Variants in CSMD1 observed in about 807,000 individuals in gnomAD.
CSMD1 encodes the protein CUB and sushi domain-containing protein 1.
CSMD1 carries 213 observed loss-of-function variants against 417.5 expected under a neutral mutation model. The ratio of observed to expected loss-of-function variants is 0.51; its 90% CI spans 0.46 to 0.57. The LOEUF is 0.57. Among genes scored for constraint, CSMD1 ranks in the 20% least tolerant of loss-of-function variants. CSMD1 has a pLI of 0.00. For missense variants in CSMD1, 6,923 were observed against 4,529.7 expected (o/e 1.53, Z -15.17); for synonymous variants, 2,862 against 1,736.8 (o/e 1.65, Z -16.11).
intron 5 of CSMD1, among the ~76,000 whole-genome samples, chr8:3,817,813 G>A (rs1183346599): frequency 1.3e-5 from 2 of 152,032 alleles, no homozygotes; most frequent in East Asian, 1.9e-4. Flanking sequence ...ATAAGCACGT[G>A]CATCTGGCCA....
intron 3 of CSMD1, among the ~76,000 whole-genome samples, chr8:4,297,677 C>T (rs1418621702): frequency 1.3e-5 from 2 of 152,166 alleles, no homozygotes; most frequent in Admixed American, 1.3e-4. Context: ...CTTTCTGCTA[C>T]TGTTTTAGCA....
intron 1 of CSMD1, among the ~76,000 whole-genome samples, chr8:4,922,741 T>C (rs1293497867): frequency 6.6e-6 from 1 of 152,110 alleles, no homozygotes; most frequent in Non-Finnish European, 1.5e-5. Context: ...CTCACGCCCC[T>C]AGATTGCCAG....
At chr8:3,948,584 T>A (rs1032946342) in intron 5 of CSMD1, among the ~76,000 whole-genome samples, 1 of 152,190 alleles carries the variant, frequency 6.6e-6, no homozygotes, top group Non-Finnish European at 1.5e-5. Flanking sequence ...TTGCTCATGA[T>A]AAACGATGAA....
chr8:3,756,807 T>C (rs1217614924), intron 5 of CSMD1, among the ~76,000 whole-genome samples: 1 of 152,100 alleles, frequency 6.6e-6, no homozygotes, highest in Non-Finnish European at 1.5e-5. Flanking sequence ...AATTTTTTTT[T>C]TTTCTTGAGA....
intron 57 of CSMD1, among the ~76,000 whole-genome samples, chr8:2,972,481 G>C (rs1442840908): frequency 6.6e-6 from 1 of 152,046 alleles, no homozygotes; most frequent in Non-Finnish European, 1.5e-5. Context: ...CGAATACATG[G>C]TTACCATCAC....
At chr8:3,641,710 G>A (rs990426315) in intron 7 of CSMD1, among the ~76,000 whole-genome samples, 2 of 152,156 alleles carry the variant, frequency 1.3e-5, no homozygotes, top group African/African-American at 2.4e-5. Context: ...AGAACAGGCT[G>A]CAGGCTAAAT....
chr8:4,734,553 T>G (rs946659273), intron 1 of CSMD1, among the ~76,000 whole-genome samples: 2 of 152,210 alleles, frequency 1.3e-5, no homozygotes, highest in African/African-American at 2.4e-5. Flanking sequence ...GGTAGCGAAG[T>G]ATAAGTAAAT....
At chr8:4,477,033 C>T (rs1255439549) in intron 2 of CSMD1, among the ~76,000 whole-genome samples, 1 of 152,194 alleles carries the variant, frequency 6.6e-6, no homozygotes, top group Non-Finnish European at 1.5e-5. Context: ...ATTTCCCTCC[C>T]GCAGGGCTGG....
At chr8:4,390,878 A>G (rs753453131) in intron 3 of CSMD1, among the ~76,000 whole-genome samples, 1 of 152,126 alleles carries the variant, frequency 6.6e-6, no homozygotes, top group Non-Finnish European at 1.5e-5. Flanking sequence ...CACATGTTTC[A>G]TATGTTGTCC....
chr8:4,215,407 C>G (rs1009582349), intron 3 of CSMD1, among the ~76,000 whole-genome samples: 2 of 152,062 alleles, frequency 1.3e-5, no homozygotes, highest in South Asian at 2.1e-4. Context: ...GGCAAAGATA[C>G]CATGTCTGAA....
intron 4 of CSMD1, among the ~76,000 whole-genome samples, chr8:4,017,264 C>G (rs1796568430): frequency 6.6e-6 from 1 of 152,004 alleles, no homozygotes; most frequent in Non-Finnish European, 1.5e-5. Context: ...CTATGCAATT[C>G]ATCTTCTCAT....
At chr8:3,224,723 G>C (rs962643904) in intron 27 of CSMD1, among the ~76,000 whole-genome samples, 2 of 152,142 alleles carry the variant, frequency 1.3e-5, no homozygotes, top group African/African-American at 4.8e-5. Context: ...TATTAGCAAG[G>C]CAGTAATTAT....
At chr8:3,104,369 C>T (rs1299167401) in intron 46 of CSMD1, among the ~76,000 whole-genome samples, 1 of 152,038 alleles carries the variant, frequency 6.6e-6, no homozygotes, top group Non-Finnish European at 1.5e-5. Context: ...CAATGCAATC[C>T]CCACTTCTAA....
intron 41 of CSMD1, among the ~76,000 whole-genome samples, chr8:3,121,782 G>A (rs1352528988): frequency 6.6e-6 from 1 of 152,062 alleles, no homozygotes; most frequent in Non-Finnish European, 1.5e-5. Context: ...CTGGGTGACA[G>A]AGCAGGATCC....
chr8:4,611,576 T>A (rs1388529209), intron 2 of CSMD1, among the ~76,000 whole-genome samples: 1 of 152,182 alleles, frequency 6.6e-6, no homozygotes, highest in Non-Finnish European at 1.5e-5. Flanking sequence ...GTGTTTACAC[T>A]TCCCCTCACC....
At chr8:4,800,847 C>G (rs933484023) in intron 1 of CSMD1, among the ~76,000 whole-genome samples, 2 of 152,220 alleles carry the variant, frequency 1.3e-5, no homozygotes, top group Admixed American at 6.5e-5. Flanking sequence ...AGTCCAAGCC[C>G]TGAAACCTCA....
At chr8:3,926,804 C>T (rs1809763607) in intron 5 of CSMD1, among the ~76,000 whole-genome samples, 1 of 148,242 alleles carries the variant, frequency 6.7e-6, no homozygotes, top group Admixed American at 6.9e-5. Context: ...CAACCTCTGC[C>T]TCCCGGGTTC....
At chr8:4,889,993 CT>C (rs1282997718) in intron 1 of CSMD1, among the ~76,000 whole-genome samples, 6 of 152,108 alleles carry the variant, frequency 3.9e-5, no homozygotes, top group Non-Finnish European at 8.8e-5. Flanking sequence ...AAATATATGA[CT>C]TCAGGTATCT....
intron 4 of CSMD1, among the ~76,000 whole-genome samples, chr8:4,004,132 T>A (rs1171015008): frequency 6.6e-6 from 1 of 152,064 alleles, no homozygotes; most frequent in Non-Finnish European, 1.5e-5. Flanking sequence ...ATATTTCAAG[T>A]TAACTATAAA....
Sources: allele counts gnomAD v4.1 joint callset (sites outside exome capture counted in the v4.1 genomes callset), GRCh38; gene constraint gnomAD v4.1.1; transcripts MANE v1.5; gene names NCBI Gene and HGNC (gene_info 2026-07-23, HGNC 2026-07-21).